ATP8A2: variants seen among roughly 807,000 people sequenced by gnomAD.
ATP8A2 encodes ATPase phospholipid transporting 8A2.
A neutral mutation model predicts 165.6 loss-of-function variants in ATP8A2; 100 were observed. That is an observed-to-expected ratio of 0.60 (90% CI 0.51 to 0.71). The LOEUF (loss-of-function observed/expected upper bound fraction) is 0.71, where lower values mean the gene tolerates loss of function less well. ATP8A2 is among the 30% of genes least tolerant of loss of function. The probability of loss-of-function intolerance (pLI) is 0.00; values close to 1 mark genes in which losing one functional copy is unlikely to be tolerated. For missense variants in ATP8A2, 1,227 were observed against 1,479.5 expected, an observed-to-expected ratio of 0.83 and a Z score of 2.80; for synonymous variants, 543 against 548.8, an observed-to-expected ratio of 0.99 and a Z score of 0.15.
chr13:25,487,937 A>G (rs2036403592), intron 2 of ATP8A2, among the ~76,000 whole-genome samples: 1 of 152,126 alleles, frequency 6.6e-6, no homozygotes, highest in South Asian at 2.1e-4. Flanking sequence ...TGGCTCTACC[A>G]GGGACCAAGT....
At chr13:25,527,334 G>A (rs574167752) in intron 2 of ATP8A2, among the ~76,000 whole-genome samples, 1 of 152,252 alleles carries the variant, frequency 6.6e-6, no homozygotes, top group African/African-American at 2.4e-5. Flanking sequence ...CTGGGAACTT[G>A]TTAGAAATGT....
chr13:25,653,619 AAAC>A (rs2041863614), intron 24 of ATP8A2, among the ~76,000 whole-genome samples: 1 of 152,200 alleles, frequency 6.6e-6, no homozygotes, highest in Non-Finnish European at 1.5e-5. Context: ...GTTAAATTAA[AAAC>A]AAGATTTTTG....
intron 25 of ATP8A2, among the ~76,000 whole-genome samples, chr13:25,727,997 G>T (rs913526569): frequency 6.6e-6 from 1 of 152,092 alleles, no homozygotes; most frequent in Admixed American, 6.5e-5. Flanking sequence ...ATGCCCCCAC[G>T]CTTCTCAGAT....
rs185471557 is a variant in ATP8A2, at chr13:25,895,739, A to C, written c.3183+33331A>C. Among the ~76,000 whole-genome samples, 243 of 152,284 alleles carry C rather than the reference A, an allele frequency of 1.6e-3. 1 individual carries two copies. The highest frequency in any genetic ancestry group is 5.5e-3 in the African/African-American group (230 of 41,548). The stretch of plus-strand genomic sequence containing the variant: ...TGTTATTGGTCTATTCAGAGATTCA[A>C]CTTATTCCTGGTTTAGTCTTGGGAG... On this transcript the variant is annotated intron_variant, in intron 33 of 36. Coordinates refer to ENST00000381655, the MANE Select transcript of ATP8A2 (RefSeq NM_016529.6).
chr13:25,731,213 GAGAAAGA>G (rs568797096), intron 25 of ATP8A2, among the ~76,000 whole-genome samples: 40 of 149,516 alleles, frequency 2.7e-4, no homozygotes, highest in African/African-American at 7.9e-4. Context: ...AAGAGAGAAA[GAGAAAGA>G]AGAAAGAAGG....
chr13:26,017,017 C>T (rs1354330056), intron 36 of ATP8A2, among the ~76,000 whole-genome samples: 1 of 152,208 alleles, frequency 6.6e-6, no homozygotes, highest in Non-Finnish European at 1.5e-5. Flanking sequence ...GGCCACCACC[C>T]TGACCCCATG....
At chr13:25,898,154 G>C (rs7987040) in intron 33 of ATP8A2, among the ~76,000 whole-genome samples, 65 of 152,136 alleles carry the variant, frequency 4.3e-4, no homozygotes, top group African/African-American at 1.5e-3. Flanking sequence ...CCATCTTTTG[G>C]TTTTATCTAC....
rs116211785 is a variant in ATP8A2, at chr13:25,636,688, C to G, written c.2211+46989C>G. ...CCCCTACCACAATCTCGCCTTCACTCCTGTTCTGAATTTTGTGTTTATTAT... is the reference window on the plus strand; with the variant it reads ...CCCCTACCACAATCTCGCCTTCACTGCTGTTCTGAATTTTGTGTTTATTAT... On this transcript the variant is annotated intron_variant, in intron 24 of 36. Coordinates refer to ENST00000381655, the MANE Select transcript of ATP8A2 (RefSeq NM_016529.6). Among the ~76,000 whole-genome samples the G allele has an allele frequency of 2.3e-3, 353 of 152,272 alleles. 4 individuals carry two copies. Among genetic ancestry groups the G allele is most frequent in the African/African-American group, 8.1e-3 (338 of 41,556 alleles).
chr13:25,890,028 G>A (rs889735607), intron 33 of ATP8A2, among the ~76,000 whole-genome samples: 2 of 151,992 alleles, frequency 1.3e-5, no homozygotes, highest in Admixed American at 6.6e-5. Flanking sequence ...CAGGCGTGGT[G>A]GCACGTGCCT....
intron 35 of ATP8A2, among the ~76,000 whole-genome samples, chr13:25,988,790 G>A (rs143517607): frequency 6.6e-6 from 1 of 152,204 alleles, no homozygotes; most frequent in Non-Finnish European, 1.5e-5. Context: ...GGGCTGGGCT[G>A]AACTTTGAGT....
chr13:25,952,606 C>T (rs1468975859), intron 33 of ATP8A2, among the ~76,000 whole-genome samples: 1 of 152,154 alleles, frequency 6.6e-6, no homozygotes, highest in African/African-American at 2.4e-5. Context: ...CTCCTGACCT[C>T]AAACCGTCCT....
chr13:25,381,291 C>T lies in ATP8A2; in HGVS notation c.76+9003C>T, dbSNP rs531682823. On this transcript the variant is annotated intron_variant, in intron 1 of 36. Coordinates refer to ENST00000381655, the MANE Select transcript of ATP8A2 (RefSeq NM_016529.6). ...CCGGTCATTGATGGGAGTTGAGCAC[C>T]TTTTAAAGCAATACATTTAAAAATG... Among the ~76,000 whole-genome samples the T allele has an allele frequency of 3.9e-5, 6 of 152,254 alleles. No homozygotes were observed. In the East Asian group the frequency reaches 7.7e-4, roughly 20 times the overall value.
intron 33 of ATP8A2, among the ~76,000 whole-genome samples, chr13:25,956,244 G>T (rs1199603908): frequency 6.6e-6 from 1 of 152,102 alleles, no homozygotes; most frequent in African/African-American, 2.4e-5. Context: ...ACTCCTATTT[G>T]ACGTAGTATT....
At chr13:25,924,151 C>G (rs948848064) in intron 33 of ATP8A2, among the ~76,000 whole-genome samples, 2 of 152,186 alleles carry the variant, frequency 1.3e-5, no homozygotes, top group Non-Finnish European at 2.9e-5. Flanking sequence ...CCACTCAGAA[C>G]AGAGTCACTA....
intron 27 of ATP8A2, among the ~76,000 whole-genome samples, chr13:25,813,392 G>GAT (rs1950926967): frequency 1.5e-5 from 2 of 135,328 alleles, no homozygotes; most frequent in African/African-American, 7.3e-5. Flanking sequence ...TATATGATAT[G>GAT]ATATGATATG....
Position 25,429,756 on chromosome 13 carries a change from G to A in ATP8A2, c.77-39221G>A, listed in dbSNP as rs115576824. Among the ~76,000 whole-genome samples, 503 of 152,290 alleles carry A rather than the reference G, an allele frequency of 3.3e-3. 2 individuals carry two copies. Among genetic ancestry groups the A allele is most frequent in the African/African-American group, 0.012 (480 of 41,570 alleles). On this transcript the variant is annotated intron_variant, in intron 1 of 36. Coordinates refer to ENST00000381655, the MANE Select transcript of ATP8A2 (RefSeq NM_016529.6). ...TGGGAAAGGCCTTGTCTGATGCGCT[G>A]AGGCATTTAGGCTTCCTCGTGTGGG...
chr13:25,883,413 C>T (rs751800693), intron 33 of ATP8A2, among the ~76,000 whole-genome samples: 2 of 152,034 alleles, frequency 1.3e-5, no homozygotes, highest in Non-Finnish European at 2.9e-5. Context: ...AGTGAAACTC[C>T]ATCTCAAAAA....
chr13:25,596,309 C>A (rs2040234738), intron 24 of ATP8A2, among the ~76,000 whole-genome samples: 6 of 152,134 alleles, frequency 3.9e-5, no homozygotes, highest in Admixed American at 3.9e-4. Context: ...TATTGAGATA[C>A]AGTTTACATA....
At chr13:25,880,265 A>G (rs1952939118) in intron 33 of ATP8A2, among the ~76,000 whole-genome samples, 1 of 152,160 alleles carries the variant, frequency 6.6e-6, no homozygotes, top group Admixed American at 6.5e-5. Flanking sequence ...CGGCTAATCC[A>G]TAGATGGCTA....
Sources: allele counts gnomAD v4.1 joint callset (sites outside exome capture counted in the v4.1 genomes callset), GRCh38; gene constraint gnomAD v4.1.1; transcripts MANE v1.5; gene names NCBI Gene and HGNC (gene_info 2026-07-23, HGNC 2026-07-21).